The following ZFHX3 variants were observed in gnomAD, a reference collection of about 807,000 sequenced individuals.
ZFHX3 encodes zinc finger homeobox 3, also known as zinc finger homeobox protein 3.
A neutral mutation model predicts 279.1 loss-of-function variants in ZFHX3; 42 were observed. That is an observed-to-expected ratio of 0.15 (90% confidence interval 0.12 to 0.19). The LOEUF is 0.19. ZFHX3 is among the 10% of genes least tolerant of loss of function. The probability of loss-of-function intolerance (pLI) is 1.00; values close to 1 mark genes in which losing one functional copy is unlikely to be tolerated. For synonymous variants in ZFHX3, 2,293 were observed against 1,957.8 expected, an observed-to-expected ratio of 1.17 and a Z score of -4.52; for missense variants, 4,981 against 4,754.0, an observed-to-expected ratio of 1.05 and a Z score of -1.40.
intron 4 of ZFHX3, among the ~76,000 whole-genome samples, chr16:73,284,918 G>A (rs1412371421): frequency 6.6e-6 from 1 of 152,156 alleles, no homozygotes; most frequent in African/African-American, 2.4e-5. Flanking sequence ...TCAGCTCACT[G>A]TAACCTTTAA....
chr16:72,862,461 G>T (rs539881000), intron 4 of ZFHX3, among the ~76,000 whole-genome samples: 78 of 152,336 alleles, frequency 5.1e-4, no homozygotes, highest in Middle Eastern at 6.8e-3. Context: ...GCTTTCCCTT[G>T]ATAAGGAGTA....
At chr16:73,842,768 A>C (rs1041889180) in intron 1 of ZFHX3, among the ~76,000 whole-genome samples, 10 of 152,192 alleles carry the variant, frequency 6.6e-5, no homozygotes, top group Non-Finnish European at 1.3e-4. Flanking sequence ...CGCAACCACC[A>C]GCCATAGTCA....
intron 1 of ZFHX3, among the ~76,000 whole-genome samples, chr16:72,983,533 C>G (rs765082394): frequency 4.6e-5 from 7 of 152,104 alleles, no homozygotes; most frequent in Non-Finnish European, 8.8e-5. Flanking sequence ...ATAGTAAGAC[C>G]CCCATCTCTA....
At chr16:73,004,148 T>TA (rs1389781408) in intron 1 of ZFHX3, among the ~76,000 whole-genome samples, 1 of 133,740 alleles carries the variant, frequency 7.5e-6, no homozygotes, top group Admixed American at 7.9e-5. Flanking sequence ...AATAACTACA[T>TA]AAAAACACGA....
chr16:73,193,126 C>T (rs956642922), intron 5 of ZFHX3, among the ~76,000 whole-genome samples: 3 of 152,170 alleles, frequency 2.0e-5, no homozygotes, highest in Admixed American at 6.5e-5. Flanking sequence ...TCCTGCTTTT[C>T]GGGGTACCCT....
At position 72,959,495 on chromosome 16, in the gene ZFHX3, A is replaced by G; in HGVS notation, c.651T>C (p.Asn217=). The part of the protein sequence containing the change: ...WFEGPDQAFP[N]TSALAGLSPV... Reference sequence around the variant, plus strand: ...GGCTGAGCCCCGCCAGGGCTGAGGTATTCGGGAAAGCCTGGTCTGGGCCCT... The same window carrying G: ...GGCTGAGCCCCGCCAGGGCTGAGGTGTTCGGGAAAGCCTGGTCTGGGCCCT... Residue 217 remains asparagine, a synonymous_variant, in exon 2 of 10, where the codon AAT becomes AAC. Transcript: ENST00000268489. 1 of 1,614,256 alleles carries G rather than the reference A, an allele frequency of 6.2e-7. No individual in the cohort carries two copies.
chr16:73,349,670 CTCCTTCCCTCTCTCCCTCTCCCTTCCT>C lies in ZFHX3; in HGVS notation c.-1290-31361_-1290-31335del. ...CCTCTCTCCCTCCTTCCCTCTCTCC[CTCCTTCCCTCTCTCCCTCTCCCTTCCT>C]TCCCTCCCTCCCTCCCTCCTTCCCT... On this transcript the variant is annotated intron_variant, in intron 3 of 17. Coordinates refer to the ZFHX3 transcript ENST00000641206. Among the ~76,000 whole-genome samples the C allele has an allele frequency of 2.9e-4, 11 of 37,354 alleles. No homozygotes were observed. In the South Asian group the frequency reaches 8.8e-3, roughly 30 times the overall value. 24.5% of individuals were successfully genotyped at this position (37,354 alleles called of 152,430 possible).
chr16:73,889,360 A>T (rs1315610498), intron 1 of ZFHX3, among the ~76,000 whole-genome samples: 1 of 152,208 alleles, frequency 6.6e-6, no homozygotes, highest in Non-Finnish European at 1.5e-5. Context: ...TTCTATTAAT[A>T]GTATCCGTGC....
chr16:73,659,392 T>G (rs1202290466), intron 2 of ZFHX3, among the ~76,000 whole-genome samples: 2 of 152,188 alleles, frequency 1.3e-5, no homozygotes, highest in African/African-American at 4.8e-5. Flanking sequence ...TTATTTCATT[T>G]ATATAAGGGT....
At chr16:72,854,033 G>A (rs866562185) in intron 4 of ZFHX3, among the ~76,000 whole-genome samples, 31 of 152,316 alleles carry the variant, frequency 2.0e-4, no homozygotes, top group African/African-American at 7.0e-4. Context: ...AATAGTGTAT[G>A]CAGCAGGGAC....
intron 1 of ZFHX3, among the ~76,000 whole-genome samples, chr16:73,019,977 C>T (rs1964244804): frequency 1.3e-5 from 2 of 152,158 alleles, no homozygotes; most frequent in Admixed American, 6.5e-5. Flanking sequence ...CTCCTGCAAG[C>T]ACCATGGAGA....
rs778463942 is a variant in ZFHX3 at position 72,793,366 on chromosome 16, G to C, written c.9316C>G (p.Leu3106Val). The C allele has an allele frequency of 6.2e-7, 1 of 1,614,190 alleles. No homozygotes were observed. Among genetic ancestry groups the C allele is most frequent in the Non-Finnish European group, 8.5e-7 (1 of 1,180,032 alleles). The change falls in exon 9 of 10, where the codon CTT (leucine) becomes GTT (valine). Residue 3106 changes from leucine to valine, a missense_variant. Coordinates refer to ENST00000268489, the MANE Select transcript of ZFHX3 (RefSeq NM_006885.4). The surrounding 1 kb of genome is among the most constrained non-coding windows in gnomAD (Gnocchi z 4.3). ...GCTGTAGGAAGGTTAAGGGCCTGAA[G>C]AGGGGTGTTGTCAAACATCCCTTGC... ...QQQGMFDNTP[L>V]QALNLPTAYP...
At chr16:73,414,733 G>T (rs2017536790) in intron 3 of ZFHX3, among the ~76,000 whole-genome samples, 1 of 152,168 alleles carries the variant, frequency 6.6e-6, no homozygotes, top group Non-Finnish European at 1.5e-5. Flanking sequence ...AGCTGCTTGT[G>T]AGGCTGAGGT....
intron 2 of ZFHX3, among the ~76,000 whole-genome samples, chr16:73,617,275 G>C (rs1034788894): frequency 1.3e-5 from 2 of 152,182 alleles, no homozygotes; most frequent in Non-Finnish European, 2.9e-5. Context: ...GCTGACTTCT[G>C]ATCAAGCTCT....
At chr16:72,875,294 A>G (rs2038280996) in intron 4 of ZFHX3, among the ~76,000 whole-genome samples, 1 of 152,370 alleles carries the variant, frequency 6.6e-6, no homozygotes, top group Non-Finnish European at 1.5e-5. Context: ...GACTGGGGGC[A>G]GAAACTGGGC....
chr16:73,646,004 A>G (rs774346269), intron 2 of ZFHX3, among the ~76,000 whole-genome samples: 4 of 152,224 alleles, frequency 2.6e-5, no homozygotes, highest in Non-Finnish European at 2.9e-5. Context: ...TGCTGATGAC[A>G]GTCTGAAAAT....
intron 5 of ZFHX3, among the ~76,000 whole-genome samples, chr16:73,192,803 C>G (rs545673780): frequency 6.6e-6 from 1 of 152,314 alleles, no homozygotes; most frequent in Non-Finnish European, 1.5e-5. Context: ...GCTCATCGCA[C>G]AAATGGGGTC....
intron 2 of ZFHX3, among the ~76,000 whole-genome samples, chr16:73,583,846 T>C (rs1166731006): frequency 2.0e-5 from 3 of 152,146 alleles, no homozygotes; most frequent in Non-Finnish European, 4.4e-5. Flanking sequence ...ATTGGACAGA[T>C]TCTGATCAGA....
At chr16:73,176,582 T>C (rs1268660250) in intron 5 of ZFHX3, among the ~76,000 whole-genome samples, 4 of 151,926 alleles carry the variant, frequency 2.6e-5, no homozygotes, top group Non-Finnish European at 4.4e-5. Flanking sequence ...TTATTATTTA[T>C]TGATTGATAG....
Sources: gnomAD v4.1 joint callset for allele counts (sites outside exome capture counted in the v4.1 genomes callset) on GRCh38, gnomAD v4.1.1 for gene constraint, Gnocchi (gnomAD v3.1) non-coding constraint, MANE v1.5 for transcripts, NCBI Gene and HGNC (gene_info 2026-07-23, HGNC 2026-07-21) for gene names.